CPEB2: variants seen among roughly 807,000 people sequenced by gnomAD.
CPEB2 encodes the protein cytoplasmic polyadenylation element-binding protein 2.
A neutral mutation model predicts 93.6 loss-of-function variants in CPEB2; 56 were observed. The ratio of observed to expected loss-of-function variants is 0.60; its 90% CI spans 0.48 to 0.75. The LOEUF is 0.75. Ranked by LOEUF, CPEB2 falls within the 30% of genes least tolerant of loss-of-function variation. The pLI is 0.00. For missense variants in CPEB2, 1,579 were observed against 1,395.1 expected, an observed-to-expected ratio of 1.13 and a Z score of -2.10; for synonymous variants, 764 against 586.3, an observed-to-expected ratio of 1.30 and a Z score of -4.38.
intron 6 of CPEB2, among the ~76,000 whole-genome samples, chr4:15,041,961 T>G (rs1049867188): frequency 3.3e-5 from 5 of 152,196 alleles, no homozygotes; most frequent in Admixed American, 3.3e-4. Flanking sequence ...CTTAAAAAAT[T>G]GAAGCTGAAC....
At chr4:15,045,681 T>C (rs983811766) in intron 6 of CPEB2, among the ~76,000 whole-genome samples, 5 of 152,144 alleles carry the variant, frequency 3.3e-5, no homozygotes, top group African/African-American at 1.2e-4. Flanking sequence ...TGCAAATTAA[T>C]ATCTTTAGGG....
At chr4:15,042,465 ACT>A (rs1195715932) in intron 6 of CPEB2, among the ~76,000 whole-genome samples, 4 of 152,110 alleles carry the variant, frequency 2.6e-5, no homozygotes, top group African/African-American at 7.2e-5. Context: ...AAGAAGGAAG[ACT>A]CTCACATGGT....
At position 15,055,948 on chromosome 4, in the gene CPEB2, G is replaced by A. The variant is rs149821056; in HGVS notation, c.2461+1731G>A. On this transcript the variant is annotated intron_variant, in intron 8 of 11. Transcript: ENST00000538197. ...AGAAAACATTGAGGATCTACCAAAT[G>A]AGGTCAGTTCCTCCTGCCCAACTCC... Among the ~76,000 whole-genome samples, 1,423 of 152,222 alleles carry A rather than the reference G, an allele frequency of 9.3e-3. 28 individuals are homozygous for A. The highest frequency in any genetic ancestry group is 0.033 in the African/African-American group (1,355 of 41,548).
Position 15,003,302 on chromosome 4 carries a change from C to G in CPEB2, c.629C>G (p.Pro210Arg). ...PPLHCPGRFS[P>R]PPPPAGPLLQ... ...CTCCACTGCCCCGGTCGGTTCAGCCCGCCGCCGCCGCCAGCCGGCCCGCTC... is the reference window on the plus strand; with the variant it reads ...CTCCACTGCCCCGGTCGGTTCAGCCGGCCGCCGCCGCCAGCCGGCCCGCTC... The change falls in exon 1 of 12, where the codon CCG becomes CGG. Residue 210 changes from proline (P) to arginine (R), a missense_variant. Physicochemically the swap from Pro to Arg is moderately radical, Grantham distance 103 (BLOSUM62 -2). This residue lies in a region of CPEB2 where 1,411 missense variants were observed against 1,056.0 expected (regional missense o/e 1.34). Transcript: ENST00000538197. The G allele has an allele frequency of 7.1e-7, 1 of 1,398,814 alleles. No homozygotes were observed. Among genetic ancestry groups the G allele is most frequent in the Non-Finnish European group, 9.2e-7 (1 of 1,085,404 alleles). 86.7% of individuals were successfully genotyped at this position (1,398,814 alleles called of 1,614,324 possible).
intron 11 of CPEB2, among the ~76,000 whole-genome samples, chr4:15,065,581 A>C (rs1297862307): frequency 1.3e-5 from 2 of 152,144 alleles, no homozygotes; most frequent in Non-Finnish European, 2.9e-5. Context: ...GAAGTTTATC[A>C]TTCAGAGCTG....
intron 7 of CPEB2, among the ~76,000 whole-genome samples, chr4:15,052,867 AAT>A (rs1173021492): frequency 6.6e-6 from 1 of 152,040 alleles, no homozygotes; most frequent in Non-Finnish European, 1.5e-5. Context: ...TTGTTTTTAA[AAT>A]ATAGAATATA....
Position 15,023,439 on chromosome 4 carries a change from A to G in CPEB2, c.2125+6161A>G, listed in dbSNP as rs558830653. 8.5e-5 allele frequency among the ~76,000 whole-genome samples: 13 copies of G among 152,214 alleles called. No individual in the cohort carries two copies. In the East Asian group the frequency reaches 2.5e-3, roughly 29 times the overall value. On this transcript the variant is annotated intron_variant, in intron 4 of 11. Transcript: ENST00000538197. The stretch of plus-strand genomic sequence containing the variant: ...CATTTATTAAAGAAAATGTGGAAAC[A>G]CTAGGAGAAACAAGTTTTAAAATCA...
Position 15,009,502 on chromosome 4 carries a change from A to C in CPEB2, c.2034+1075A>C, listed in dbSNP as rs112887862. On this transcript the variant is annotated intron_variant, in intron 3 of 11. Coordinates refer to ENST00000538197, the MANE Select transcript of CPEB2 (RefSeq NM_001177382.2). ...GCTATTTACCTCTACTCTCTTCTCT[A>C]GTCTGGTCCAGTTAAGCCTTATTAG... Among the ~76,000 whole-genome samples, 597 of 152,252 alleles carry C rather than the reference A, an allele frequency of 3.9e-3. 3 individuals carry two copies. Among genetic ancestry groups the C allele is most frequent in the African/African-American group, 0.013 (548 of 41,548 alleles).
At chr4:15,044,338 A>G (rs768421458) in intron 6 of CPEB2, among the ~76,000 whole-genome samples, 12 of 152,186 alleles carry the variant, frequency 7.9e-5, no homozygotes, top group Non-Finnish European at 1.2e-4. Flanking sequence ...TATTATATTT[A>G]ATACTGACCC....
chr4:15,003,404 T>G lies in CPEB2; in HGVS notation c.731T>G (p.Leu244Arg). 7.3e-7 allele frequency: 1 copy of G among 1,364,284 alleles called. No homozygotes were observed. Among genetic ancestry groups the G allele is most frequent in the South Asian group, 1.8e-5 (1 of 55,308 alleles). 84.5% of individuals were successfully genotyped at this position (1,364,284 alleles called of 1,614,324 possible). Residue 244 changes from leucine to arginine, a missense_variant, in exon 1 of 12, where the codon CTC becomes CGC. Around this residue, in one of 2 missense-constraint regions of CPEB2, gnomAD observed 1,411 missense variants for 1,056.0 expected, o/e 1.34. Transcript: ENST00000538197. The stretch of plus-strand genomic sequence containing the variant: ...TTCAGCCTCCTGCATCAGCAGCACC[T>G]CTCGCCGCAGGACTTCGCCCCGCGG... Reference protein sequence around the residue: ...QQFSLLHQQHLSPQDFAPRQR... With the variant: ...QQFSLLHQQHRSPQDFAPRQR...
At chr4:15,040,204 C>T (rs1299109166) in intron 5 of CPEB2, among the ~76,000 whole-genome samples, 2 of 152,088 alleles carry the variant, frequency 1.3e-5, no homozygotes, top group East Asian at 3.8e-4. Context: ...TGAATTTTAA[C>T]ACAAATGATA....
chr4:15,022,168 C>T (rs1035827482), intron 4 of CPEB2, among the ~76,000 whole-genome samples: 5 of 151,990 alleles, frequency 3.3e-5, no homozygotes, highest in Non-Finnish European at 5.9e-5. Flanking sequence ...TGGTGTAGTT[C>T]GTGTGGGGTG....
intron 4 of CPEB2, among the ~76,000 whole-genome samples, chr4:15,021,043 C>T: frequency 6.6e-6 from 1 of 152,090 alleles, no homozygotes. Flanking sequence ...ATTTGAGGAA[C>T]TGAAAGGAGG....
chr4:15,020,876 G>A (rs1468245700), intron 4 of CPEB2, among the ~76,000 whole-genome samples: 1 of 152,250 alleles, frequency 6.6e-6, no homozygotes, highest in Middle Eastern at 3.4e-3. Flanking sequence ...AGATTATGAG[G>A]TGTTTAGAGA....
At chr4:15,014,805 G>A (rs1334132086) in intron 3 of CPEB2, among the ~76,000 whole-genome samples, 1 of 152,004 alleles carries the variant, frequency 6.6e-6, no homozygotes, top group Non-Finnish European at 1.5e-5. Context: ...GGACAGACAG[G>A]AAAATCAACA....
chr4:15,067,527 A>G lies in CPEB2; in HGVS notation c.*1147A>G, dbSNP rs1020396364. ...TTGGTTTTAGCCCCTTTGATAGTCC[A>G]TGGTTAAGACATCCTTTATAAACCA... On this transcript the variant is annotated 3_prime_UTR_variant, in exon 12 of 12. Coordinates refer to ENST00000538197, the MANE Select transcript of CPEB2 (RefSeq NM_001177382.2). The G allele has an allele frequency of 1.3e-5, 2 of 152,498 alleles. No individual in the cohort carries two copies. Among genetic ancestry groups the G allele is most frequent in the Non-Finnish European group, 2.9e-5 (2 of 67,984 alleles). The allele number at this position is 152,498 out of a possible 1,614,324, so 9.4% of individuals were successfully genotyped here.
At chr4:15,064,579 T>A (rs2702571) in intron 11 of CPEB2, among the ~76,000 whole-genome samples, 109,051 of 150,396 alleles carry the variant, frequency 0.73, 40,313 homozygotes, top group East Asian at 0.96. Flanking sequence ...AATCTTATTT[T>A]AAAAAAAAAG....
At chr4:15,021,846 G>A (rs777471634) in intron 4 of CPEB2, among the ~76,000 whole-genome samples, 1 of 151,980 alleles carries the variant, frequency 6.6e-6, no homozygotes, top group South Asian at 2.1e-4. Flanking sequence ...TATTTTTTAA[G>A]ACTCCTGAAG....
chr4:15,006,464 G>C (rs1722833036), intron 1 of CPEB2: 1 of 151,356 alleles, frequency 6.6e-6, no homozygotes, highest in Admixed American at 6.6e-5. Flanking sequence ...CGTTTTGATG[G>C]ATTTACCATT....
Sources: gnomAD v4.1 joint callset for allele counts (sites outside exome capture counted in the v4.1 genomes callset) on GRCh38, gnomAD v4.1.1 for gene constraint, gnomAD v4.1.1 regional missense constraint, MANE v1.5 for transcripts, NCBI Gene and HGNC (gene_info 2026-07-23, HGNC 2026-07-21) for gene names.